Variants in STRADB observed in about 807,000 individuals in gnomAD.
STRADB encodes STE20-related kinase adapter protein beta.
A neutral mutation model predicts 52.1 loss-of-function variants in STRADB; 34 were observed. The observed-to-expected ratio is 0.65, with a 90% confidence interval of 0.50 to 0.87. The LOEUF is 0.87. Among genes scored for constraint, STRADB ranks in the 40% least tolerant of loss-of-function variants. The probability of loss-of-function intolerance (pLI) is 0.00; values close to 1 mark genes in which losing one functional copy is unlikely to be tolerated. For missense variants in STRADB, 340 were observed against 483.9 expected (o/e 0.70, Z 2.79); for synonymous variants, 133 against 174.5 (o/e 0.76, Z 1.87).
chr2:201,474,572 G>T (rs1952442661), intron 5 of STRADB, 75 bp from the exon 6 acceptor site: 1 of 1,286,384 alleles, frequency 7.8e-7, no homozygotes, highest in Non-Finnish European at 1.1e-6. Context: ...AGTATTAGCT[G>T]CCACGACCGC....
intron 7 of STRADB, among the ~76,000 whole-genome samples, chr2:201,476,238 G>A (rs1952469473): frequency 1.3e-5 from 2 of 151,964 alleles, no homozygotes; most frequent in African/African-American, 4.8e-5. Context: ...GTGATTGAAT[G>A]TTAAAAACAG....
chr2:201,469,869 A>C lies in STRADB; in HGVS notation c.94-84A>C, dbSNP rs966446472. 3.2e-5 allele frequency: 32 copies of C among 1,005,794 alleles called. No homozygotes were observed. In the East Asian group the frequency reaches 7.3e-4, roughly 23 times the overall value. The allele number at this position is 1,005,794 out of a possible 1,614,324, so 62.3% of individuals were successfully genotyped here. ...TTCCTAATGAGCACCTCTGTGTTTG[A>C]AAATATAACACCAGTGTTTTATATT... On this transcript the variant is annotated intron_variant, in intron 3 of 11. Transcript: ENST00000194530.
chr2:201,468,136 G>T (rs1952334920), intron 3 of STRADB, among the ~76,000 whole-genome samples: 1 of 93,400 alleles, frequency 1.1e-5, no homozygotes, highest in Admixed American at 1.3e-4. Flanking sequence ...AACAATGCAT[G>T]ATCCATACTT....
chr2:201,475,625 C>G lies in STRADB; in HGVS notation c.431C>G (p.Ala144Gly), dbSNP rs1291716689. 8.7e-6 allele frequency: 14 copies of G among 1,611,790 alleles called. No individual in the cohort carries two copies. The highest frequency in any genetic ancestry group is 1.2e-5 in the Non-Finnish European group (14 of 1,179,808). The change falls in exon 7 of 12, where the codon GCA becomes GGA. Residue 144 changes from alanine (A) to glycine (G), a missense_variant. Transcript: ENST00000194530. ...VISPFMAYGS[A>G]SQLLRTYFPE... Reference sequence around the variant, plus strand: ...TTTTAGGGGTTTCTTTCAGGTTCAGCAAGTCAACTCTTGAGGACCTATTTT... The same window carrying G: ...TTTTAGGGGTTTCTTTCAGGTTCAGGAAGTCAACTCTTGAGGACCTATTTT...
intron 8 of STRADB, 113 bp from the exon 9 acceptor site, chr2:201,477,974 T>A (rs527830488): frequency 1.7e-6 from 2 of 1,178,774 alleles, no homozygotes; most frequent in South Asian, 1.5e-5. Flanking sequence ...GATTTGTCGC[T>A]TATGGGTTTC....
intron 11 of STRADB, 49 bp from the exon 12 acceptor site, chr2:201,479,983 A>G: frequency 6.3e-7 from 1 of 1,593,602 alleles, no homozygotes; most frequent in Non-Finnish European, 8.6e-7. Flanking sequence ...AACAAAACTG[A>G]TATATTGAAA....
intron 2 of STRADB, 119 bp from the exon 3 acceptor site, chr2:201,458,665 G>A: frequency 1.3e-6 from 1 of 748,150 alleles, no homozygotes. Context: ...CCAAGTTTCT[G>A]CAAGTTGCCC....
At chr2:201,477,137 T>C (rs1205668987) in intron 7 of STRADB, among the ~76,000 whole-genome samples, 1 of 120,742 alleles carries the variant, frequency 8.3e-6, no homozygotes, top group African/African-American at 3.1e-5. Context: ...CAATCTTGGC[T>C]CACTGCAAGC....
intron 3 of STRADB, among the ~76,000 whole-genome samples, chr2:201,469,359 C>G (rs1952354189): frequency 6.6e-6 from 1 of 152,160 alleles, no homozygotes; most frequent in Admixed American, 6.5e-5. Flanking sequence ...AGGTGCAAAC[C>G]TGACTCTCAC....
At chr2:201,470,107 CA>C in intron 4 of STRADB, 55 bp downstream of exon 4, 1 of 1,348,980 alleles carries the variant, frequency 7.4e-7, no homozygotes, top group Non-Finnish European at 1.1e-6. Context: ...AAATTGATGA[CA>C]AAAAGATTAT....
chr2:201,480,780 C>CTT lies in STRADB; in HGVS notation c.*606_*607dup, dbSNP rs532254519. 5.6e-4 allele frequency: 555 copies of CTT among 985,724 alleles called. 5 individuals carry two copies. The African/African-American group carries it at 8.6e-3, about 15-fold the overall frequency. The allele number at this position is 985,724 out of a possible 1,614,324, so 61.1% of individuals were successfully genotyped here. ...AGGGGGCTAAAGTAACACTTTCCTACTTATGTAAATTATAGATCCTAAATT... is the reference window on the plus strand; with the variant it reads ...AGGGGGCTAAAGTAACACTTTCCTACTTTTATGTAAATTATAGATCCTAAATT... On this transcript the variant is annotated 3_prime_UTR_variant, in exon 12 of 12. Coordinates refer to ENST00000194530, the MANE Select transcript of STRADB (RefSeq NM_018571.6).
At chr2:201,477,984 C>T (rs1952506614) in intron 8 of STRADB, 103 bp from the exon 9 acceptor site, 2 of 1,217,292 alleles carry the variant, frequency 1.6e-6, no homozygotes, top group African/African-American at 3.1e-5. Context: ...TTATGGGTTT[C>T]TTTTCCATTA....
Position 201,480,822 on chromosome 2 carries a change from G to A in STRADB, c.*647G>A. ...TCCTAAATTCACGCACCCCGTGGGA[G>A]CTCAATAAAGATTTACTGAATTGAG... On this transcript the variant is annotated 3_prime_UTR_variant, in exon 12 of 12. Transcript: ENST00000194530. 1 of 985,456 alleles carries A rather than the reference G, an allele frequency of 1.0e-6. No homozygotes were observed. The highest frequency in any genetic ancestry group is 1.2e-6 in the Non-Finnish European group (1 of 829,778). 61.0% of individuals were successfully genotyped at this position (985,456 alleles called of 1,614,324 possible). A position where few individuals can be genotyped will look rare whatever the true frequency, so the allele number is the denominator to read the frequency against.
At chr2:201,456,200 A>G (rs1343914827) in intron 2 of STRADB, among the ~76,000 whole-genome samples, 3 of 152,260 alleles carry the variant, frequency 2.0e-5, no homozygotes, top group Non-Finnish European at 4.4e-5. Flanking sequence ...TCTGTGTTCC[A>G]GTAAAACTTT....
At chr2:201,457,059 T>G (rs961528606) in intron 2 of STRADB, among the ~76,000 whole-genome samples, 1 of 152,202 alleles carries the variant, frequency 6.6e-6, no homozygotes, top group Non-Finnish European at 1.5e-5. Flanking sequence ...ATAAACTGTA[T>G]TATTTGCACA....
rs561259395 is a variant in STRADB at position 201,465,373 on chromosome 2, T to C, written c.94-4580T>C. ...GAGCAGTTTCCCTTCTGGCCCAGGG[T>C]GTGTCTAGAAATGTTGTCCAGGAGC... On this transcript the variant is annotated intron_variant, in intron 3 of 11. Coordinates refer to ENST00000194530, the MANE Select transcript of STRADB (RefSeq NM_018571.6). 9.5e-4 allele frequency among the ~76,000 whole-genome samples: 145 copies of C among 152,166 alleles called. 2 individuals carry two copies. Among genetic ancestry groups the C allele is most frequent in the African/African-American group, 3.4e-3 (141 of 41,510 alleles).
chr2:201,468,074 C>CTTTTTTTTTTGTTTTTTTT (rs756553675), intron 3 of STRADB, among the ~76,000 whole-genome samples: 1 of 73,724 alleles, frequency 1.4e-5, no homozygotes, highest in Non-Finnish European at 3.0e-5. Context: ...TGAGTCCTGC[C>CTTTTTTTTTTGTTTTTTTT]TTTTTTTTTT....
chr2:201,461,141 T>C (rs1277765161), intron 3 of STRADB, among the ~76,000 whole-genome samples: 2 of 152,202 alleles, frequency 1.3e-5, no homozygotes, highest in African/African-American at 2.4e-5. Flanking sequence ...GGGCACTTTT[T>C]CATGTACCTG....
rs567882553 is a variant in STRADB at position 201,480,659 on chromosome 2, T to G, written c.*484T>G. 11 of 987,940 alleles carry G rather than the reference T, an allele frequency of 1.1e-5. No homozygotes were observed. In the South Asian group the frequency reaches 3.7e-4, roughly 33 times the overall value. 61.2% of individuals were successfully genotyped at this position (987,940 alleles called of 1,614,324 possible). Reference sequence around the variant, plus strand: ...ATGTTTGTGCTTTCCCTTTTTCTTCTGTTAATACTTATGGTAACACCTAAC... The same window carrying G: ...ATGTTTGTGCTTTCCCTTTTTCTTCGGTTAATACTTATGGTAACACCTAAC... On this transcript the variant is annotated 3_prime_UTR_variant, in exon 12 of 12. Coordinates refer to ENST00000194530, the MANE Select transcript of STRADB (RefSeq NM_018571.6).
Sources: allele counts gnomAD v4.1 joint callset (sites outside exome capture counted in the v4.1 genomes callset), GRCh38; gene constraint gnomAD v4.1.1; transcripts MANE v1.5; gene names NCBI Gene and HGNC (gene_info 2026-07-23, HGNC 2026-07-21).